CBLB: variants seen among roughly 807,000 people sequenced by gnomAD.
CBLB encodes Cbl proto-oncogene B.
In CBLB, 31 loss-of-function variants were observed where a neutral mutation model predicts 104.9. The observed-to-expected ratio is 0.30, with a 90% CI of 0.22 to 0.40. The LOEUF (loss-of-function observed/expected upper bound fraction) is 0.40, where lower values mean the gene tolerates loss of function less well. Ranked by LOEUF, CBLB falls within the 10% of genes least tolerant of loss-of-function variation. The pLI, the probability that CBLB is intolerant of heterozygous loss-of-function variation, is 1.00. For synonymous variants in CBLB, 440 were observed against 422.6 expected (o/e 1.04, Z -0.51); for missense variants, 1,062 against 1,214.6 (o/e 0.87, Z 1.87).
chr3:105,836,838 G>A (rs1210925805), intron 3 of CBLB, among the ~76,000 whole-genome samples: 1 of 151,938 alleles, frequency 6.6e-6, no homozygotes, highest in East Asian at 1.9e-4. Context: ...CTGTTTTCCT[G>A]TCAAGTCTAA....
intron 3 of CBLB, among the ~76,000 whole-genome samples, chr3:105,843,873 T>C (rs1033934773): frequency 1.3e-5 from 2 of 152,180 alleles, no homozygotes; most frequent in Admixed American, 6.5e-5. Context: ...CTCCTTAGTA[T>C]AAATGTACAC....
intron 3 of CBLB, among the ~76,000 whole-genome samples, chr3:105,833,818 A>G (rs1469697105): frequency 2.0e-5 from 3 of 152,112 alleles, no homozygotes; most frequent in Non-Finnish European, 4.4e-5. Flanking sequence ...CAAACTTTAT[A>G]TAAGTTTCCT....
At chr3:105,684,540 C>A (rs1259962510) in intron 14 of CBLB, among the ~76,000 whole-genome samples, 1 of 142,232 alleles carries the variant, frequency 7.0e-6, no homozygotes, top group Non-Finnish European at 1.5e-5. Context: ...GAAAAAACCC[C>A]CATTATTCCA....
intron 10 of CBLB, among the ~76,000 whole-genome samples, chr3:105,713,856 G>A (rs2071457868): frequency 6.6e-6 from 1 of 152,120 alleles, no homozygotes; most frequent in Non-Finnish European, 1.5e-5. Context: ...TAATTCTTTT[G>A]GGTAGGACCA....
At chr3:105,666,105 C>T (rs974809300) in intron 18 of CBLB, among the ~76,000 whole-genome samples, 4 of 151,762 alleles carry the variant, frequency 2.6e-5, no homozygotes, top group East Asian at 1.9e-4. Context: ...ACAAACTTAA[C>T]GAATTTTAAT....
chr3:105,805,633 T>C (rs1350467214), intron 3 of CBLB, among the ~76,000 whole-genome samples: 3 of 152,108 alleles, frequency 2.0e-5, no homozygotes, highest in African/African-American at 7.2e-5. Context: ...TACTACTATA[T>C]TTTATTCCCT....
At chr3:105,674,294 G>A (rs2065374510) in intron 17 of CBLB, among the ~76,000 whole-genome samples, 1 of 152,210 alleles carries the variant, frequency 6.6e-6, no homozygotes, top group African/African-American at 2.4e-5. Context: ...AAAGATTGTA[G>A]TCAACAAAAC....
intron 2 of CBLB, among the ~76,000 whole-genome samples, chr3:105,862,196 A>G (rs2092146628): frequency 6.6e-6 from 1 of 152,160 alleles, no homozygotes; most frequent in African/African-American, 2.4e-5. Flanking sequence ...TGCTATCTCT[A>G]TGAGAATATC....
intron 2 of CBLB, among the ~76,000 whole-genome samples, chr3:105,859,940 T>C (rs543015791): frequency 6.1e-4 from 93 of 152,320 alleles, no homozygotes; most frequent in Non-Finnish European, 1.2e-3. Context: ...AGTTGGCATA[T>C]AAAATTGATC....
intron 12 of CBLB, among the ~76,000 whole-genome samples, chr3:105,695,085 C>T (rs1188991188): frequency 1.3e-5 from 2 of 151,802 alleles, no homozygotes; most frequent in African/African-American, 2.4e-5. Context: ...GGAATAGACA[C>T]AATGTAAGAT....
chr3:105,785,846 A>G (rs1411278243), intron 3 of CBLB, among the ~76,000 whole-genome samples: 1 of 152,164 alleles, frequency 6.6e-6, no homozygotes, highest in Non-Finnish European at 1.5e-5. Context: ...CAAATTTGCC[A>G]AGCAATTCCC....
chr3:105,854,109 CT>C (rs2091290338), intron 2 of CBLB, among the ~76,000 whole-genome samples: 1 of 152,284 alleles, frequency 6.6e-6, no homozygotes, highest in Admixed American at 6.5e-5. Flanking sequence ...TTTTGGTGTA[CT>C]GTTCTGAACC....
Position 105,693,583 on chromosome 3 carries a change from A to C in CBLB, c.1965T>G (p.Phe655Leu). The C allele has an allele frequency of 1.2e-6, 2 of 1,606,942 alleles. No homozygotes were observed. The highest frequency in any genetic ancestry group is 1.7e-6 in the Non-Finnish European group (2 of 1,173,930). Residue 655 changes from phenylalanine (F) to leucine (L), a missense_variant, in exon 13 of 19, where the codon TTT becomes TTG. Phe to Leu is a conservative substitution (Grantham distance 22). Around this residue, in one of 2 missense-constraint regions of CBLB, gnomAD observed 605 missense variants for 582.6 expected, o/e 1.04. Coordinates refer to ENST00000394030, the MANE Select transcript of CBLB (RefSeq NM_170662.5). ...CTTCACTTCCAAGGTGACCATTGGA[A>C]AAGACCTGAAAGTAAATCAAATTGT... The part of the protein sequence containing the change: ...HDLPLEGAKV[F>L]SNGHLGSEEY...
chr3:105,706,630 C>A lies in CBLB; in HGVS notation c.1408-2457G>T, dbSNP rs187772683. On this transcript the variant is annotated intron_variant, in intron 10 of 18. Transcript: ENST00000394030. The stretch of plus-strand genomic sequence containing the variant: ...TAGATCAGCAATTGTCACAGGACAT[C>A]TAATTCTCCACCATTCCTATTAGGA... 2.0e-3 allele frequency among the ~76,000 whole-genome samples: 301 copies of A among 152,256 alleles called. 2 individuals are homozygous for A. Among genetic ancestry groups the A allele is most frequent in the African/African-American group, 7.0e-3 (292 of 41,538 alleles).
At chr3:105,818,489 T>C (rs1300652362) in intron 3 of CBLB, among the ~76,000 whole-genome samples, 1 of 152,144 alleles carries the variant, frequency 6.6e-6, no homozygotes, top group Non-Finnish European at 1.5e-5. Flanking sequence ...AATGACTACA[T>C]AGCTTCTTCA....
chr3:105,714,900 C>T (rs1188854662), intron 10 of CBLB, among the ~76,000 whole-genome samples: 3 of 152,048 alleles, frequency 2.0e-5, no homozygotes, highest in African/African-American at 7.2e-5. Flanking sequence ...TTGTTCATAC[C>T]CATTTTTGTT....
In CBLB at chr3:105,778,519, T is replaced by A. The variant is rs548388035; in HGVS notation, c.420-1977A>T. ...TAGTAATAAGAAGAATGCAATAAGATATTCTATAAAATCAATAAATTCATC... is the reference window on the plus strand; with the variant it reads ...TAGTAATAAGAAGAATGCAATAAGAAATTCTATAAAATCAATAAATTCATC... On this transcript the variant is annotated intron_variant, in intron 3 of 18. Coordinates refer to ENST00000394030, the MANE Select transcript of CBLB (RefSeq NM_170662.5). 2.6e-5 allele frequency among the ~76,000 whole-genome samples: 4 copies of A among 152,140 alleles called. No individual in the cohort carries two copies. The South Asian group carries it at 8.3e-4, about 32-fold the overall frequency.
intron 18 of CBLB, among the ~76,000 whole-genome samples, chr3:105,668,649 T>C (rs937702001): frequency 6.6e-6 from 1 of 152,178 alleles, no homozygotes; most frequent in African/African-American, 2.4e-5. Context: ...TATGAAACCT[T>C]AGAATGACTA....
intron 3 of CBLB, among the ~76,000 whole-genome samples, chr3:105,822,395 T>G (rs1040153616): frequency 6.6e-6 from 1 of 152,220 alleles, no homozygotes; most frequent in Admixed American, 6.5e-5. Context: ...AAAGTTTCTA[T>G]GTCTTTCCAT....
Sources: gnomAD v4.1 joint callset for allele counts (sites outside exome capture counted in the v4.1 genomes callset) on GRCh38, gnomAD v4.1.1 for gene constraint, gnomAD v4.1.1 regional missense constraint, MANE v1.5 for transcripts, NCBI Gene and HGNC (gene_info 2026-07-23, HGNC 2026-07-21) for gene names.